Variants in FOXJ2 observed in about 807,000 individuals in gnomAD.
FOXJ2 encodes forkhead box protein J2.
In FOXJ2, 18 loss-of-function variants were observed where a neutral mutation model predicts 68.4. The ratio of observed to expected loss-of-function variants is 0.26; its 90% CI spans 0.18 to 0.39. FOXJ2 has a LOEUF of 0.39. Among genes scored for constraint, FOXJ2 ranks in the 10% least tolerant of loss-of-function variants. The probability of loss-of-function intolerance (pLI) is 1.00; values close to 1 mark genes in which losing one functional copy is unlikely to be tolerated. For missense variants in FOXJ2, 670 were observed against 726.5 expected, an observed-to-expected ratio of 0.92 and a Z score of 0.89; for synonymous variants, 274 against 263.2, an observed-to-expected ratio of 1.04 and a Z score of -0.40.
chr12:8,045,910 C>A (rs1323089873), intron 6 of FOXJ2, among the ~76,000 whole-genome samples: 1 of 147,386 alleles, frequency 6.8e-6, no homozygotes, highest in Non-Finnish European at 1.5e-5. Context: ...CCACTTACCT[C>A]AGCCTCCCAA....
intron 3 of FOXJ2, 43 bp from the exon 4 acceptor site, chr12:8,043,658 A>G (rs375559823): frequency 3.1e-6 from 5 of 1,604,210 alleles, no homozygotes; most frequent in South Asian, 1.1e-5. Flanking sequence ...GAGGTTCTGA[A>G]TGTAACAATT....
At chr12:8,051,217 C>T (rs1173439653) in intron 10 of FOXJ2, among the ~76,000 whole-genome samples, 4 of 150,572 alleles carry the variant, frequency 2.7e-5, no homozygotes, top group Non-Finnish European at 4.4e-5. Flanking sequence ...ACAACCTCCA[C>T]CTCCTGGGTT....
rs1395955948 is a variant in FOXJ2 at position 8,055,172 on chromosome 12, T to C, written c.*2322T>C. 6.5e-6 allele frequency: 1 copy of C among 152,676 alleles called. No homozygotes were observed. Among genetic ancestry groups the C allele is most frequent in the Admixed American group, 6.5e-5 (1 of 15,286 alleles). 9.5% of individuals were successfully genotyped at this position (152,676 alleles called of 1,614,324 possible). On this transcript the variant is annotated 3_prime_UTR_variant, in exon 11 of 11. Transcript: ENST00000162391. ...TTCATGAAATGAAAAGAATACTACT[T>C]TTTCTTGTTGGTCTAGCATTGCTGG...
chr12:8,049,865 C>T (rs762084501), intron 9 of FOXJ2: 1 of 427,820 alleles, frequency 2.3e-6, no homozygotes, highest in African/African-American at 2.0e-5. Context: ...ATTTGCGTCT[C>T]AGTAATCCCT....
chr12:8,043,258 T>TA, intron 3 of FOXJ2, among the ~76,000 whole-genome samples: 1 of 151,804 alleles, frequency 6.6e-6, no homozygotes, highest in Non-Finnish European at 1.5e-5. Context: ...ATCTTTTTTT[T>TA]AAAAAAATAG....
Position 8,052,864 on chromosome 12 carries a change from G to A in FOXJ2, c.*14G>A, listed in dbSNP as rs1947144108. 1 of 1,594,742 alleles carries A rather than the reference G, an allele frequency of 6.3e-7. No homozygotes were observed. Among genetic ancestry groups the A allele is most frequent in the African/African-American group, 1.3e-5 (1 of 74,512 alleles). On this transcript the variant is annotated 3_prime_UTR_variant, in exon 11 of 11. Transcript: ENST00000162391. ...TTGATCACTTAGTGCATCACAGAGT[G>A]TGGACATCAGCCCAGGGCCGCGTGG...
In FOXJ2 at chr12:8,048,024, G is replaced by A. The variant is rs1230748805; in HGVS notation, c.960G>A (p.Gln320=). 1.9e-6 allele frequency: 3 copies of A among 1,613,908 alleles called. No individual in the cohort carries two copies. The African/African-American group carries it at 4.0e-5, about 22-fold the overall frequency. The change falls in exon 7 of 11, where the codon CAG becomes CAA. Residue 320 remains glutamine, a synonymous_variant. Coordinates refer to ENST00000162391, the MANE Select transcript of FOXJ2 (RefSeq NM_018416.3). The stretch of plus-strand genomic sequence containing the variant: ...CCCAGCAGTCCCAGCCACAGCAGCA[G>A]CAGGCACCTGCCCAGGGCCCCTCAG... ...PPPQQSQPQQ[Q]QAPAQGPSAV...
chr12:8,042,023 A>C (rs1045115070), intron 2 of FOXJ2, among the ~76,000 whole-genome samples: 4 of 152,032 alleles, frequency 2.6e-5, no homozygotes, highest in African/African-American at 7.2e-5. Context: ...GATTGCAGAC[A>C]TGTGCTACCA....
chr12:8,038,774 G>A lies in FOXJ2; in HGVS notation c.-14-1045G>A, dbSNP rs1014262885. 3.3e-5 allele frequency among the ~76,000 whole-genome samples: 5 copies of A among 152,242 alleles called. No homozygotes were observed. The highest frequency in any genetic ancestry group is 1.9e-4 in the East Asian group (1 of 5,196). ...CAGGCAGTGTGGGTGGCAGCAGGGC[G>A]TGCAAGCATCAGGCGTAGGCGGTCT... On this transcript the variant is annotated intron_variant, in intron 1 of 10. Transcript: ENST00000162391. This position sits in a 1 kb window ranked among gnomAD's most constrained non-coding sequence, Gnocchi z 5.3.
chr12:8,050,077 C>G (rs1056965984), intron 9 of FOXJ2: 2 of 177,136 alleles, frequency 1.1e-5, no homozygotes, highest in African/African-American at 4.7e-5. Flanking sequence ...CTCAGGTGAT[C>G]CTCCCACTTT....
intron 8 of FOXJ2, 104 bp downstream of exon 8, chr12:8,048,902 G>T: frequency 1.2e-6 from 1 of 838,336 alleles, no homozygotes; most frequent in South Asian, 1.5e-5. Context: ...CAGAAATGAG[G>T]ATTTCATTGT....
chr12:8,039,747 C>T (rs1591575985), intron 1 of FOXJ2, 72 bp from the exon 2 acceptor site: 1 of 1,300,688 alleles, frequency 7.7e-7, no homozygotes, highest in African/African-American at 1.5e-5. Context: ...AGAAACTCTA[C>T]TTCCCTCAAA....
chr12:8,049,266 T>A, intron 8 of FOXJ2, 96 bp from the exon 9 acceptor site: 1 of 860,844 alleles, frequency 1.2e-6, no homozygotes, highest in Non-Finnish European at 1.8e-6. Flanking sequence ...TCAGTGGGGG[T>A]GATTGATGGT....
intron 10 of FOXJ2, among the ~76,000 whole-genome samples, chr12:8,051,914 T>A (rs1331872414): frequency 6.6e-6 from 1 of 152,130 alleles, no homozygotes; most frequent in African/African-American, 2.4e-5. Context: ...CAGGCTGGAG[T>A]GCAGTAGGCA....
At chr12:8,043,851 A>G (rs1326610454) in intron 4 of FOXJ2, 82 bp downstream of exon 4, 1 of 1,606,386 alleles carries the variant, frequency 6.2e-7, no homozygotes, top group Non-Finnish European at 8.5e-7. Flanking sequence ...CAGTCCTTTC[A>G]GAGGCAAAGG....
rs1176202571 is a variant in FOXJ2 at position 8,038,504 on chromosome 12, A to G, written c.-14-1315A>G. On this transcript the variant is annotated intron_variant, in intron 1 of 10. Transcript: ENST00000162391. The surrounding 1 kb of genome is among the most constrained non-coding windows in gnomAD (Gnocchi z 5.3). ...TGAGGCAATCTAGTCCTGGCTCCTC[A>G]GGAGAAGTGCCCTGGTGGGACTGAG... Among the ~76,000 whole-genome samples the G allele has an allele frequency of 6.6e-6, 1 of 152,188 alleles. No individual in the cohort carries two copies. The highest frequency in any genetic ancestry group is 1.5e-5 in the Non-Finnish European group (1 of 68,038).
chr12:8,054,181 A>G lies in FOXJ2; in HGVS notation c.*1331A>G, dbSNP rs1193437295. On this transcript the variant is annotated 3_prime_UTR_variant, in exon 11 of 11. Transcript: ENST00000162391. ...ATTGGTGGAGGAGAGTAAATAATCT[A>G]GAGGCAAGAGTTCAGTGAGGGCCAA... The G allele has an allele frequency of 1.3e-5, 2 of 152,272 alleles. No homozygotes were observed. The highest frequency in any genetic ancestry group is 4.8e-5 in the African/African-American group (2 of 41,462). 9.4% of individuals were successfully genotyped at this position (152,272 alleles called of 1,614,324 possible).
Position 8,040,227 on chromosome 12 carries a change from G to T in FOXJ2, c.333+62G>T, listed in dbSNP as rs945571125. On this transcript the variant is annotated intron_variant, in intron 2 of 10. Transcript: ENST00000162391. This position sits in a 1 kb window ranked among gnomAD's most constrained non-coding sequence, Gnocchi z 4.0. ...CTTCAACAGCCTTTTTAGAGAAAAA[G>T]GTTTTGTTTCTTCTTGTAACCTGTT... The T allele has an allele frequency of 1.4e-5, 21 of 1,527,532 alleles. No homozygotes were observed. Among genetic ancestry groups the T allele is most frequent in the Non-Finnish European group, 1.9e-5 (21 of 1,121,764 alleles). 94.6% of individuals were successfully genotyped at this position (1,527,532 alleles called of 1,614,324 possible).
chr12:8,048,517 C>T (rs945438612), intron 7 of FOXJ2, among the ~76,000 whole-genome samples, 180 bp from the exon 8 acceptor site: 5 of 152,264 alleles, frequency 3.3e-5, no homozygotes, highest in African/African-American at 7.2e-5. Context: ...CCTGGCTGTA[C>T]TTAAAGCGTA....
Sources: allele counts gnomAD v4.1 joint callset (sites outside exome capture counted in the v4.1 genomes callset), GRCh38; gene constraint gnomAD v4.1.1; non-coding constraint Gnocchi (gnomAD v3.1); transcripts MANE v1.5; gene names NCBI Gene and HGNC (gene_info 2026-07-23, HGNC 2026-07-21).